The following CNKSR2 variants were observed in gnomAD, a reference collection of about 807,000 sequenced individuals.
CNKSR2 encodes the protein connector enhancer of kinase suppressor of Ras 2, also known as CNK homolog protein 2.
In CNKSR2, 14 loss-of-function variants were observed where a neutral mutation model predicts 84.4. The ratio of observed to expected loss-of-function variants is 0.17; its 90% CI spans 0.11 to 0.26. CNKSR2 has a LOEUF of 0.26. Ranked by LOEUF, CNKSR2 falls within the 10% of genes least tolerant of loss-of-function variation. The pLI, the probability that CNKSR2 is intolerant of heterozygous loss-of-function variation, is 1.00. For missense variants in CNKSR2, 485 were observed against 771.2 expected (o/e 0.63, Z 4.40); for synonymous variants, 275 against 277.9 (o/e 0.99, Z 0.10).
At chrX:21,410,941 GT>G (rs2090336971) in intron 1 of CNKSR2, among the ~76,000 whole-genome samples, 1 of 109,585 alleles carries the variant, frequency 9.1e-6, no homozygotes, top group East Asian at 2.9e-4. Flanking sequence ...AATAAGATTT[GT>G]TTTGTATTAG....
At chrX:21,380,124 A>G (rs2089876632) in intron 1 of CNKSR2, among the ~76,000 whole-genome samples, 1 of 111,682 alleles carries the variant, frequency 9.0e-6, no homozygotes, top group Non-Finnish European at 1.9e-5. Context: ...CACAAAGACA[A>G]TAAAACTCTC....
intron 1 of CNKSR2, among the ~76,000 whole-genome samples, chrX:21,382,459 C>G (rs942678400): frequency 9.0e-6 from 1 of 111,215 alleles, no homozygotes; most frequent in Non-Finnish European, 1.9e-5. Flanking sequence ...GCATTTATTT[C>G]CCTTCATTCA....
At chrX:21,531,093 A>G (rs1352369093) in intron 10 of CNKSR2, among the ~76,000 whole-genome samples, 2 of 111,116 alleles carry the variant, frequency 1.8e-5, no homozygotes, top group Non-Finnish European at 3.8e-5. Context: ...TTACTCTTAA[A>G]TGAGATACGT....
chrX:21,585,136 A>G (rs1318694126), intron 13 of CNKSR2, among the ~76,000 whole-genome samples: 1 of 108,081 alleles, frequency 9.3e-6, no homozygotes, highest in Non-Finnish European at 1.9e-5. Context: ...CCAGCTACTC[A>G]GAAGGCCAAG....
chrX:21,641,448 T>C, intron 20 of CNKSR2: 1 of 1,081,769 alleles, frequency 9.2e-7, no homozygotes, highest in Non-Finnish European at 1.2e-6. Flanking sequence ...CATGATGGTA[T>C]TTCTAATACA....
intron 4 of CNKSR2, among the ~76,000 whole-genome samples, chrX:21,445,167 T>C (rs980821721): frequency 1.8e-5 from 2 of 111,469 alleles, no homozygotes; most frequent in African/African-American, 3.3e-5. Flanking sequence ...GAAAATTATA[T>C]TGGGGCTCTT....
At chrX:21,386,018 C>CAAAAA (rs1179082753) in intron 1 of CNKSR2, among the ~76,000 whole-genome samples, 2 of 20,449 alleles carry the variant, frequency 9.8e-5, no homozygotes, top group Non-Finnish European at 2.0e-4. Flanking sequence ...TGGATGTAGG[C>CAAAAA]AAAAAAAAAA....
chrX:21,431,464 C>A (rs866249609), intron 2 of CNKSR2, among the ~76,000 whole-genome samples: 1 of 111,226 alleles, frequency 9.0e-6, no homozygotes, highest in Non-Finnish European at 1.9e-5. Context: ...AAGAAATCTT[C>A]CCATACCTCA....
At chrX:21,499,631 G>T (rs1039365617) in intron 7 of CNKSR2, among the ~76,000 whole-genome samples, 1 of 110,737 alleles carries the variant, frequency 9.0e-6, no homozygotes, top group Non-Finnish European at 1.9e-5. Context: ...TTCATCTTTT[G>T]ATTCTTTTTT....
At chrX:21,632,116 G>C (rs922314022) in intron 20 of CNKSR2, among the ~76,000 whole-genome samples, 4 of 111,942 alleles carry the variant, frequency 3.6e-5, no homozygotes, top group African/African-American at 1.3e-4. Flanking sequence ...TTAGTAATAA[G>C]TTGATATGGG....
intron 8 of CNKSR2, chrX:21,504,274 G>T (rs1216716465): frequency 9.0e-6 from 1 of 110,921 alleles, no homozygotes; most frequent in East Asian, 2.8e-4. Flanking sequence ...CTCTCCCTAC[G>T]TTCATTACCA....
intron 11 of CNKSR2, among the ~76,000 whole-genome samples, chrX:21,548,562 C>G: frequency 8.9e-6 from 1 of 111,984 alleles, no homozygotes; most frequent in Non-Finnish European, 1.9e-5. Flanking sequence ...TCCTCCCTAA[C>G]TCATTTCATG....
At chrX:21,427,707 A>G (rs1188043042) in intron 2 of CNKSR2, 6 of 112,475 alleles carry the variant, frequency 5.3e-5, no homozygotes, top group African/African-American at 1.9e-4. Context: ...TTCATGCTCA[A>G]ACAGTGCTAT....
intron 9 of CNKSR2, among the ~76,000 whole-genome samples, chrX:21,523,025 A>G (rs747099404): frequency 9.0e-6 from 1 of 111,052 alleles, no homozygotes; most frequent in African/African-American, 3.2e-5. Flanking sequence ...GATACATATG[A>G]TGATTTTATT....
chrX:21,446,585 A>T (rs763572090), intron 4 of CNKSR2, among the ~76,000 whole-genome samples: 4 of 111,377 alleles, frequency 3.6e-5, no homozygotes, highest in Admixed American at 9.6e-5. Context: ...GTGAGCAAAA[A>T]CTTAAAGACT....
At chrX:21,383,537 T>A (rs2089927833) in intron 1 of CNKSR2, among the ~76,000 whole-genome samples, 1 of 112,462 alleles carries the variant, frequency 8.9e-6, no homozygotes, top group East Asian at 2.8e-4. Context: ...TAATATCAAG[T>A]ATAGCATACA....
chrX:21,459,102 A>C (rs1167619864), intron 4 of CNKSR2, among the ~76,000 whole-genome samples: 2 of 101,987 alleles, frequency 2.0e-5, no homozygotes, highest in East Asian at 6.1e-4. Flanking sequence ...AGCTCACTGC[A>C]ATGCCCGCCT....
chrX:21,451,244 TAAC>T (rs1251516462), intron 4 of CNKSR2, among the ~76,000 whole-genome samples: 1 of 111,479 alleles, frequency 9.0e-6, no homozygotes, highest in Non-Finnish European at 1.9e-5. Flanking sequence ...CTGAAAATAT[TAAC>T]AATCTAATGG....
chrX:21,551,799 C>G (rs1249250146), intron 11 of CNKSR2, among the ~76,000 whole-genome samples: 1 of 111,798 alleles, frequency 8.9e-6, no homozygotes, highest in Non-Finnish European at 1.9e-5. Context: ...AATCAATTTA[C>G]AAATAAATTG....
Sources: allele counts gnomAD v4.1 joint callset (sites outside exome capture counted in the v4.1 genomes callset), GRCh38; gene constraint gnomAD v4.1.1; transcripts MANE v1.5; gene names NCBI Gene and HGNC (gene_info 2026-07-23, HGNC 2026-07-21).